Variants in COL22A1 observed in about 807,000 individuals in gnomAD.
The protein encoded by COL22A1 is collagen type XXII alpha 1 chain, also known as collagen alpha-1(XXII) chain.
In COL22A1, 221 loss-of-function variants were observed where a neutral mutation model predicts 248.9. That is an observed-to-expected ratio of 0.89 (90% confidence interval 0.80 to 0.99). The LOEUF is 0.99. COL22A1 is among the 50% of genes least tolerant of loss of function. COL22A1 has a pLI of 0.00. For missense variants in COL22A1, 2,240 were observed against 2,179.0 expected, an observed-to-expected ratio of 1.03 and a Z score of -0.56; for synonymous variants, 891 against 793.4, an observed-to-expected ratio of 1.12 and a Z score of -2.07.
chr8:138,665,835 C>A (rs1824457939), intron 41 of COL22A1, among the ~76,000 whole-genome samples: 1 of 152,096 alleles, frequency 6.6e-6, no homozygotes, highest in African/African-American at 2.4e-5. Flanking sequence ...AATAACATGG[C>A]ATTATCCAGA....
At chr8:138,749,395 A>T (rs1832402684) in intron 22 of COL22A1, among the ~76,000 whole-genome samples, 1 of 152,216 alleles carries the variant, frequency 6.6e-6, no homozygotes, top group Admixed American at 6.5e-5. Context: ...AAACAGTTCC[A>T]CCCATCATCT....
In COL22A1 at chr8:138,596,777, T is replaced by C. The variant is rs139527051; in HGVS notation, c.4432+127A>G. On this transcript the variant is annotated intron_variant, in intron 62 of 64. Coordinates refer to ENST00000303045, the MANE Select transcript of COL22A1 (RefSeq NM_152888.3). ...TCTTCAGGGCATTCCCCAACCCTGA[T>C]AGTCTACACTTGAGCTGCCGGTCAA... The C allele has an allele frequency of 5.8e-5, 46 of 795,946 alleles. No homozygotes were observed. The East Asian group carries it at 9.9e-4, about 17-fold the overall frequency. 49.3% of individuals were successfully genotyped at this position (795,946 alleles called of 1,614,324 possible).
At chr8:138,854,359 A>AGG (rs1239635989) in intron 3 of COL22A1, among the ~76,000 whole-genome samples, 1 of 152,148 alleles carries the variant, frequency 6.6e-6, no homozygotes, top group African/African-American at 2.4e-5. Flanking sequence ...TGAAGCCCAG[A>AGG]ATTTCAGTGG....
intron 12 of COL22A1, among the ~76,000 whole-genome samples, chr8:138,791,594 C>T (rs1043900952): frequency 2.0e-5 from 3 of 152,112 alleles, no homozygotes; most frequent in Non-Finnish European, 4.4e-5. Flanking sequence ...TTTAGCAAAC[C>T]ACCCCACAAA....
In COL22A1 at chr8:138,734,850, G is replaced by A. The variant is rs375765549; in HGVS notation, c.2139+2674C>T. Among the ~76,000 whole-genome samples, 5 of 152,346 alleles carry A rather than the reference G, an allele frequency of 3.3e-5. 1 individual carries two copies. The South Asian group carries it at 1.0e-3, about 32-fold the overall frequency. On this transcript the variant is annotated intron_variant, in intron 23 of 64. Transcript: ENST00000303045. ...ACTATGCAGCCATAAAAAAGGATGA[G>A]TTCATGTCCTTTGTAGGGACATGGA... is the stretch of plus-strand genomic sequence containing the variant.
chr8:138,592,768 C>A (rs1231479029), intron 63 of COL22A1, among the ~76,000 whole-genome samples: 2 of 152,068 alleles, frequency 1.3e-5, no homozygotes, highest in East Asian at 3.8e-4. Flanking sequence ...GGGCTGGTCT[C>A]CTGTCTTTTA....
chr8:138,651,685 T>C (rs1420555127), intron 45 of COL22A1, among the ~76,000 whole-genome samples: 1 of 152,080 alleles, frequency 6.6e-6, no homozygotes, highest in Non-Finnish European at 1.5e-5. Context: ...TACTCTAAGA[T>C]GAGATGCATC....
chr8:138,819,771 CAT>C (rs1229913912), intron 7 of COL22A1, among the ~76,000 whole-genome samples: 1 of 150,246 alleles, frequency 6.7e-6, no homozygotes, highest in Admixed American at 6.6e-5. Context: ...CACACACACA[CAT>C]ACATACACAC....
chr8:138,797,052 C>T (rs896283751), intron 11 of COL22A1, among the ~76,000 whole-genome samples, 195 bp from the exon 12 acceptor site: 21 of 152,106 alleles, frequency 1.4e-4, no homozygotes, highest in African/African-American at 4.8e-4. Context: ...TTAATGTTTC[C>T]AATAACTCAA....
At chr8:138,656,524 G>A (rs1823279473) in intron 44 of COL22A1, among the ~76,000 whole-genome samples, 1 of 152,154 alleles carries the variant, frequency 6.6e-6, no homozygotes. Flanking sequence ...GAGTCTGCAG[G>A]TGGATGAATT....
rs1827376352 is a variant in COL22A1 at position 138,694,863 on chromosome 8, T to G, written c.2609A>C (p.Lys870Thr). The change falls in exon 33 of 65, where the codon AAA becomes ACA. Residue 870 changes from lysine to threonine, a missense_variant. Lys to Thr is a moderately conservative substitution (Grantham distance 78). Coordinates refer to ENST00000303045, the MANE Select transcript of COL22A1 (RefSeq NM_152888.3). Reference protein sequence around the residue: ...HPRMPGEQGPKGEKGDPGLPG... With the variant: ...HPRMPGEQGPTGEKGDPGLPG... ...CAGGCCTGGATCGCCCTTCTCTCCT[T>G]TGGGCCCTTGTTCTCCCTGTTGGTG... The G allele has an allele frequency of 1.9e-6, 3 of 1,614,024 alleles. No homozygotes were observed. The highest frequency in any genetic ancestry group is 2.5e-6 in the Non-Finnish European group (3 of 1,179,980).
intron 55 of COL22A1, among the ~76,000 whole-genome samples, chr8:138,614,452 T>C (rs1471510421): frequency 6.6e-6 from 1 of 152,226 alleles, no homozygotes; most frequent in African/African-American, 2.4e-5. Context: ...GACATGCTTC[T>C]ACACAAAGTA....
intron 30 of COL22A1, among the ~76,000 whole-genome samples, chr8:138,704,025 T>C (rs958720767): frequency 6.6e-6 from 1 of 152,230 alleles, no homozygotes; most frequent in African/African-American, 2.4e-5. Context: ...CCTCACTCAC[T>C]GCTAGCGCAG....
Position 138,850,231 on chromosome 8 carries a change from G to A in COL22A1, c.659-6073C>T, listed in dbSNP as rs560403219. On this transcript the variant is annotated intron_variant, in intron 3 of 64. Coordinates refer to ENST00000303045, the MANE Select transcript of COL22A1 (RefSeq NM_152888.3). ...TGTATCAGCACCAGCTGCCTCCCCA[G>A]AAGGCCCAGATCCTCTGGCTGTTCA... Among the ~76,000 whole-genome samples the A allele has an allele frequency of 2.4e-3, 359 of 152,278 alleles. 2 individuals are homozygous for A. Among genetic ancestry groups the A allele is most frequent in the Admixed American group, 8.5e-3 (130 of 15,300 alleles).
At chr8:138,661,602 G>C (rs192815880) in intron 43 of COL22A1, among the ~76,000 whole-genome samples, 2 of 152,264 alleles carry the variant, frequency 1.3e-5, no homozygotes, top group African/African-American at 4.8e-5. Context: ...TCACAAAGTG[G>C]GAAGGAACAC....
intron 59 of COL22A1, among the ~76,000 whole-genome samples, chr8:138,604,055 A>G (rs1818245048): frequency 6.6e-6 from 1 of 152,184 alleles, no homozygotes; most frequent in African/African-American, 2.4e-5. Flanking sequence ...GTGTCAAGGA[A>G]AGTTGGCAAA....
chr8:138,599,030 T>G, intron 60 of COL22A1, 132 bp from the exon 61 acceptor site: 2 of 881,232 alleles, frequency 2.3e-6, no homozygotes, highest in South Asian at 2.9e-5. Context: ...GTGGCCCATG[T>G]GTGGCTTGGG....
rs1463769141 is a variant in COL22A1 at position 138,716,783 on chromosome 8, T to TG, written c.2400+41dup. 1.1e-5 allele frequency: 16 copies of TG among 1,462,594 alleles called. No homozygotes were observed. In the African/African-American group the frequency reaches 1.9e-4, roughly 18 times the overall value. The allele number at this position is 1,462,594 out of a possible 1,614,324, so 90.6% of individuals were successfully genotyped here. A position where few individuals can be genotyped will look rare whatever the true frequency, so the allele number is the denominator to read the frequency against. On this transcript the variant is annotated intron_variant, in intron 28 of 64. Transcript: ENST00000303045. ...ACAAGATGTAGCGTATAACAATGAATGAATGAATAAAATGAATGAATAAAA... is the reference window on the plus strand; with the variant it reads ...ACAAGATGTAGCGTATAACAATGAATGGAATGAATAAAATGAATGAATAAAA...
At position 138,600,409 on chromosome 8, in the gene COL22A1, C is replaced by T. The variant is rs986680151; in HGVS notation, c.4186-1511G>A. On this transcript the variant is annotated intron_variant, in intron 60 of 64. Coordinates refer to ENST00000303045, the MANE Select transcript of COL22A1 (RefSeq NM_152888.3). The stretch of plus-strand genomic sequence containing the variant: ...AAACAGTGCAGTCACCAAACCGTCT[C>T]TAACATACGCACTTAAATGAAAAAT... 4.1e-5 allele frequency among the ~76,000 whole-genome samples: 6 copies of T among 146,962 alleles called. No homozygotes were observed. In the East Asian group the frequency reaches 1.2e-3, roughly 28 times the overall value.
Sources: allele counts gnomAD v4.1 joint callset (sites outside exome capture counted in the v4.1 genomes callset), GRCh38; gene constraint gnomAD v4.1.1; transcripts MANE v1.5; gene names NCBI Gene and HGNC (gene_info 2026-07-23, HGNC 2026-07-21).